Variants in STAT1 observed in about 807,000 individuals in gnomAD.
STAT1 encodes signal transducer and activator of transcription 1-alpha/beta.
In STAT1, 24 loss-of-function variants were observed where a neutral mutation model predicts 111.7. The observed-to-expected ratio is 0.21, with a 90% CI of 0.16 to 0.30. STAT1 has a LOEUF of 0.30. Ranked by LOEUF, STAT1 falls within the 10% of genes least tolerant of loss-of-function variation. The pLI is 1.00. For missense variants in STAT1, 351 were observed against 911.9 expected, an observed-to-expected ratio of 0.38 and a Z score of 7.92; for synonymous variants, 332 against 326.5, an observed-to-expected ratio of 1.02 and a Z score of -0.18.
At chr2:190,985,222 G>A (rs911054116) in intron 15 of STAT1, among the ~76,000 whole-genome samples, 4 of 152,202 alleles carry the variant, frequency 2.6e-5, no homozygotes, top group South Asian at 2.1e-4. Flanking sequence ...TGCAATGGCC[G>A]AAAAGCCCTC....
In STAT1 at chr2:190,989,588, T is replaced by C. The variant is rs775212735; in HGVS notation, c.1097+27A>G. ...AATCAACATTTCAATAGTACATGTA[T>C]GTTATATAATGTTAAAGATATCTTA... On this transcript the variant is annotated intron_variant, in intron 12 of 24. Coordinates refer to ENST00000361099, the MANE Select transcript of STAT1 (RefSeq NM_007315.4). This position sits in a 1 kb window ranked among gnomAD's most constrained non-coding sequence, Gnocchi z 5.0. 1.5e-6 allele frequency: 2 copies of C among 1,291,492 alleles called. No homozygotes were observed. The highest frequency in any genetic ancestry group is 2.2e-6 in the Non-Finnish European group (2 of 906,924). 80.0% of individuals were successfully genotyped at this position (1,291,492 alleles called of 1,614,324 possible). A position where few individuals can be genotyped will look rare whatever the true frequency, so the allele number is the denominator to read the frequency against.
rs892519931 is a variant in STAT1 at position 190,973,367 on chromosome 2, G to A, written c.2238+1463C>T. The stretch of plus-strand genomic sequence containing the variant: ...AAAAGGGGCTGTGTGGGGAGGAGGG[G>A]CTCTGTTCCCACATCTGTCAAAGTA... On this transcript the variant is annotated intron_variant, in intron 24 of 24. Coordinates refer to ENST00000361099, the MANE Select transcript of STAT1 (RefSeq NM_007315.4). This position sits in a 1 kb window ranked among gnomAD's most constrained non-coding sequence, Gnocchi z 4.4. 1.3e-5 allele frequency among the ~76,000 whole-genome samples: 2 copies of A among 152,174 alleles called. No homozygotes were observed. Among genetic ancestry groups the A allele is most frequent in the African/African-American group, 4.8e-5 (2 of 41,422 alleles).
In STAT1 at chr2:190,993,659, TGA is replaced by T. The variant is rs1693574762; in HGVS notation, c.944+1400_944+1401del. 2.0e-6 allele frequency: 1 copy of T among 510,796 alleles called. No homozygotes were observed. Among genetic ancestry groups the T allele is most frequent in the African/African-American group, 1.9e-5 (1 of 51,896 alleles). 31.6% of individuals were successfully genotyped at this position (510,796 alleles called of 1,614,324 possible). The stretch of plus-strand genomic sequence containing the variant: ...ACCACGGGTAACTGAAGGAAAGGAA[TGA>T]GATAGGCTGTTCTGGGAGAGTAAAT... On this transcript the variant is annotated intron_variant, in intron 10 of 24. Coordinates refer to ENST00000361099, the MANE Select transcript of STAT1 (RefSeq NM_007315.4). The surrounding 1 kb of genome is among the most constrained non-coding windows in gnomAD (Gnocchi z 4.1).
chr2:190,998,613 G>A lies in STAT1; in HGVS notation c.542-305C>T, dbSNP rs1459120878. On this transcript the variant is annotated intron_variant, in intron 7 of 24. Coordinates refer to ENST00000361099, the MANE Select transcript of STAT1 (RefSeq NM_007315.4). This position sits in a 1 kb window ranked among gnomAD's most constrained non-coding sequence, Gnocchi z 4.1. The stretch of plus-strand genomic sequence containing the variant: ...GGAGGCGGAGCTTGGAGTGAGCCGA[G>A]ATCTCGCCACTGCACTCTAGCCTGG... Among the ~76,000 whole-genome samples, 1 of 150,492 alleles carries A rather than the reference G, an allele frequency of 6.6e-6. No individual in the cohort carries two copies. Among genetic ancestry groups the A allele is most frequent in the African/African-American group, 2.5e-5 (1 of 40,816 alleles).
intron 24 of STAT1, among the ~76,000 whole-genome samples, chr2:190,972,733 C>CTTTT (rs576414210): frequency 7.9e-6 from 1 of 126,378 alleles, no homozygotes. Context: ...CTTTTCTTTT[C>CTTTT]TTTTTTTTTT....
At position 190,998,317 on chromosome 2, in the gene STAT1, TGA is replaced by T; in HGVS notation, c.542-11_542-10del. The T allele has an allele frequency of 1.2e-6, 2 of 1,602,136 alleles. No individual in the cohort carries two copies. Among genetic ancestry groups the T allele is most frequent in the Non-Finnish European group, 1.7e-6 (2 of 1,169,726 alleles). On this transcript the variant is annotated splice_polypyrimidine_tract_variant and intron_variant, in intron 7 of 24. Coordinates refer to ENST00000361099, the MANE Select transcript of STAT1 (RefSeq NM_007315.4). This position sits in a 1 kb window ranked among gnomAD's most constrained non-coding sequence, Gnocchi z 4.1. ...ACCATTGGTCTCGTGTTCTATAAAT[TGA>T]GAGACAGCCAGTAAATATATAAAGA...
rs1692014035 is a variant in STAT1 at position 190,977,662 on chromosome 2, G to A, written c.1874-637C>T. ...GAGGCCACGGTTCAGGTGTTCTGGG[G>A]AGCCTGCTGTGGAACATGAGACTAT... On this transcript the variant is annotated intron_variant, in intron 21 of 24. Coordinates refer to ENST00000361099, the MANE Select transcript of STAT1 (RefSeq NM_007315.4). This position sits in a 1 kb window ranked among gnomAD's most constrained non-coding sequence, Gnocchi z 4.7. 6.6e-6 allele frequency among the ~76,000 whole-genome samples: 1 copy of A among 152,110 alleles called. No individual in the cohort carries two copies. The highest frequency in any genetic ancestry group is 2.4e-5 in the African/African-American group (1 of 41,410).
rs756335073 is a variant in STAT1 at position 190,997,797 on chromosome 2, T to C, written c.785+59A>G. The C allele has an allele frequency of 2.5e-4, 398 of 1,609,684 alleles. No individual in the cohort carries two copies. Among genetic ancestry groups the C allele is most frequent in the Non-Finnish European group, 2.1e-4 (243 of 1,177,566 alleles). On this transcript the variant is annotated intron_variant, in intron 9 of 24. Transcript: ENST00000361099. This position sits in a 1 kb window ranked among gnomAD's most constrained non-coding sequence, Gnocchi z 7.3. ...TCAACTAACACAGCTCAAAGGTACA[T>C]TTATGTGTTTATGTGGTTAGCCAGT...
Position 190,970,709 on chromosome 2 carries a change from T to C in STAT1, c.2247A>G (p.Thr749=). 1.9e-6 allele frequency: 3 copies of C among 1,613,574 alleles called. No homozygotes were observed. Among genetic ancestry groups the C allele is most frequent in the Non-Finnish European group, 2.5e-6 (3 of 1,179,736 alleles). The change falls in exon 25 of 25, where the codon ACA becomes ACG. Residue 749 remains threonine, a synonymous_variant. Transcript: ENST00000361099. The surrounding 1 kb of genome is among the most constrained non-coding windows in gnomAD (Gnocchi z 5.4). ...GATGAAAAAAATTCATGCTCTATACTGTGTTCATCTGTAAAAAGACAAAAT... is the reference window on the plus strand; with the variant it reads ...GATGAAAAAAATTCATGCTCTATACCGTGTTCATCTGTAAAAAGACAAAAT... ...GSVEFDSMMN[T]V is the part of the protein sequence containing the mutation.
chr2:191,000,465 CT>C lies in STAT1; in HGVS notation c.462+608del, dbSNP rs1694187512. Among the ~76,000 whole-genome samples the C allele has an allele frequency of 6.6e-6, 1 of 151,892 alleles. No homozygotes were observed. Among genetic ancestry groups the C allele is most frequent in the Non-Finnish European group, 1.5e-5 (1 of 68,022 alleles). On this transcript the variant is annotated intron_variant, in intron 6 of 24. Transcript: ENST00000361099. This position sits in a 1 kb window ranked among gnomAD's most constrained non-coding sequence, Gnocchi z 4.8. Reference sequence around the variant, plus strand: ...GGACCAAACCCCTAAGCTGGAAGGCCTTTTCCACAAACACAGGCCTCTGTGA... The same window carrying C: ...GGACCAAACCCCTAAGCTGGAAGGCCTTTCCACAAACACAGGCCTCTGTGA...
At chr2:190,994,615 A>T (rs540019050) in intron 10 of STAT1, among the ~76,000 whole-genome samples, 1 of 152,230 alleles carries the variant, frequency 6.6e-6, no homozygotes, top group South Asian at 2.1e-4. Context: ...ATTCAGGAAG[A>T]GTCATTGTCA....
Position 190,990,594 on chromosome 2 carries a change from TTG to T in STAT1, c.1037+632_1037+633del, listed in dbSNP as rs138287667. 2.1e-4 allele frequency among the ~76,000 whole-genome samples: 32 copies of T among 152,054 alleles called. No homozygotes were observed. The highest frequency in any genetic ancestry group is 6.5e-4 in the African/African-American group (27 of 41,464). The stretch of plus-strand genomic sequence containing the variant: ...TTTTTAAAAAAGAAATATGTCATAT[TTG>T]TGTGTGTGTGTGTCTCTATATGAAA... On this transcript the variant is annotated intron_variant, in intron 11 of 24. Coordinates refer to ENST00000361099, the MANE Select transcript of STAT1 (RefSeq NM_007315.4). The surrounding 1 kb of genome is among the most constrained non-coding windows in gnomAD (Gnocchi z 5.1).
At position 190,995,162 on chromosome 2, in the gene STAT1, C is replaced by T. The variant is rs879218108; in HGVS notation, c.843G>A (p.Glu281=). ...CGTAGGTGTATTTCTGTTCCAATTC[C>T]TCCAACTTTTTAAGCTGCTGCCGAA... The part of the protein sequence containing the change: ...QQVRQQLKKL[E]ELEQKYTYEH... The change falls in exon 10 of 25, where the codon GAG becomes GAA. Residue 281 remains glutamate (E), a synonymous_variant. Coordinates refer to ENST00000361099, the MANE Select transcript of STAT1 (RefSeq NM_007315.4). This position sits in a 1 kb window ranked among gnomAD's most constrained non-coding sequence, Gnocchi z 4.2. The T allele has an allele frequency of 3.1e-6, 5 of 1,613,832 alleles. No homozygotes were observed. Among genetic ancestry groups the T allele is most frequent in the South Asian group, 2.2e-5 (2 of 91,068 alleles).
Position 190,989,108 on chromosome 2 carries a change from C to G in STAT1, c.1097+507G>C, listed in dbSNP as rs1693105904. Among the ~76,000 whole-genome samples, 1 of 152,064 alleles carries G rather than the reference C, an allele frequency of 6.6e-6. No homozygotes were observed. Among genetic ancestry groups the G allele is most frequent in the African/African-American group, 2.4e-5 (1 of 41,402 alleles). On this transcript the variant is annotated intron_variant, in intron 12 of 24. Coordinates refer to ENST00000361099, the MANE Select transcript of STAT1 (RefSeq NM_007315.4). The surrounding 1 kb of genome is among the most constrained non-coding windows in gnomAD (Gnocchi z 5.0). Reference sequence around the variant, plus strand: ...ACAGTCTCCCCAAGATGCTGCTGACCTCGCTCCAGAAAAAAACCCCCAAAT... The same window carrying G: ...ACAGTCTCCCCAAGATGCTGCTGACGTCGCTCCAGAAAAAAACCCCCAAAT...
chr2:191,013,809 T>C (rs1444363338), intron 1 of STAT1, 131 bp from the exon 2 acceptor site: 1 of 396,072 alleles, frequency 2.5e-6, no homozygotes, highest in Admixed American at 4.4e-5. Flanking sequence ...AGAGCACGAC[T>C]GGCAAGGACA....
Position 190,986,795 on chromosome 2 carries a change from C to G in STAT1, c.1221+59G>C. The G allele has an allele frequency of 3.3e-6, 5 of 1,534,376 alleles. No individual in the cohort carries two copies. The African/African-American group carries it at 4.1e-5, about 13-fold the overall frequency. On this transcript the variant is annotated intron_variant, in intron 14 of 24. Transcript: ENST00000361099. The surrounding 1 kb of genome is among the most constrained non-coding windows in gnomAD (Gnocchi z 5.0). ...TGGCAATGTGCCAAAAAGGGCTGCT[C>G]TATTGTCAAAAGTCCTAAGAAACCA...
chr2:191,010,451 T>C (rs982652931), intron 2 of STAT1: 5 of 456,496 alleles, frequency 1.1e-5, no homozygotes, highest in African/African-American at 1.0e-4. Context: ...GGTGTATCCC[T>C]AGAACAATGT....
chr2:191,010,744 G>C (rs544401156), intron 2 of STAT1, among the ~76,000 whole-genome samples: 10 of 152,056 alleles, frequency 6.6e-5, no homozygotes, highest in African/African-American at 2.4e-4. Flanking sequence ...CAATAAATCT[G>C]GCATAAAGAA....
At position 190,970,562 on chromosome 2, in the gene STAT1, T is replaced by G. The variant is rs768945585; in HGVS notation, c.*141A>C. ...TTTCTGAGTTAGAGAAAAATTCACT[T>G]GCTATCAACAGGTTGCAGCGAATTT... On this transcript the variant is annotated 3_prime_UTR_variant, in exon 25 of 25. Coordinates refer to ENST00000361099, the MANE Select transcript of STAT1 (RefSeq NM_007315.4). The surrounding 1 kb of genome is among the most constrained non-coding windows in gnomAD (Gnocchi z 5.4). 14 of 880,420 alleles carry G rather than the reference T, an allele frequency of 1.6e-5. No homozygotes were observed. Among genetic ancestry groups the G allele is most frequent in the Non-Finnish European group, 2.6e-5 (14 of 534,130 alleles). The allele number at this position is 880,420 out of a possible 1,614,324, so 54.5% of individuals were successfully genotyped here. A position where few individuals can be genotyped will look rare whatever the true frequency, so the allele number is the denominator to read the frequency against.
Sources: gnomAD v4.1 joint callset for allele counts (sites outside exome capture counted in the v4.1 genomes callset) on GRCh38, gnomAD v4.1.1 for gene constraint, Gnocchi (gnomAD v3.1) non-coding constraint, MANE v1.5 for transcripts, NCBI Gene and HGNC (gene_info 2026-07-23, HGNC 2026-07-21) for gene names.